Variants in GRID2 observed in about 807,000 individuals in gnomAD.
The protein encoded by GRID2 is glutamate receptor ionotropic, delta-2.
In GRID2, 33 loss-of-function variants were observed where a neutral mutation model predicts 114.8. That is an observed-to-expected ratio of 0.29 (90% CI 0.22 to 0.38). The LOEUF (loss-of-function observed/expected upper bound fraction) is 0.38. Ranked by LOEUF, GRID2 falls within the 10% of genes least tolerant of loss-of-function variation. GRID2 has a pLI of 1.00. For synonymous variants in GRID2, 505 were observed against 449.9 expected, an observed-to-expected ratio of 1.12 and a Z score of -1.55; for missense variants, 1,184 against 1,257.7, an observed-to-expected ratio of 0.94 and a Z score of 0.89.
At chr4:92,357,277 C>A (rs1728373813) in intron 1 of GRID2, among the ~76,000 whole-genome samples, 1 of 151,790 alleles carries the variant, frequency 6.6e-6, no homozygotes, top group South Asian at 2.1e-4. Flanking sequence ...TTAGGAAAAA[C>A]TAGAACATTA....
At chr4:93,075,901 T>C (rs1729236146) in intron 2 of GRID2, among the ~76,000 whole-genome samples, 1 of 44,152 alleles carries the variant, frequency 2.3e-5, no homozygotes, top group South Asian at 9.2e-4. Context: ...TTTTTTTTTT[T>C]TTTTTTTTTT....
intron 13 of GRID2, among the ~76,000 whole-genome samples, chr4:93,524,837 ATATATATATAT>A (rs1333225901): frequency 8.6e-6 from 1 of 115,952 alleles, no homozygotes; most frequent in Non-Finnish European, 1.7e-5. Flanking sequence ...ATATATATAT[ATATATATATAT>A]ATGTATACAA....
chr4:93,778,317 T>G (rs1312674927), downstream of GRID2, among the ~76,000 whole-genome samples: 1 of 152,062 alleles, frequency 6.6e-6, no homozygotes, highest in African/African-American at 2.4e-5. Context: ...TCTATAAGAT[T>G]TATTGCTAGA....
At chr4:93,723,479 T>C (rs1002131603) in intron 14 of GRID2, among the ~76,000 whole-genome samples, 1 of 152,196 alleles carries the variant, frequency 6.6e-6, no homozygotes, top group Admixed American at 6.5e-5. Flanking sequence ...AGAATTGATG[T>C]TAGCTACACA....
intron 2 of GRID2, among the ~76,000 whole-genome samples, chr4:93,080,319 G>C (rs922236496): frequency 6.6e-6 from 1 of 152,156 alleles, no homozygotes; most frequent in African/African-American, 2.4e-5. Context: ...GAATACACAA[G>C]TAGTGAAGTT....
chr4:92,617,459 T>A (rs1052957352), intron 2 of GRID2, among the ~76,000 whole-genome samples: 4 of 151,688 alleles, frequency 2.6e-5, no homozygotes, highest in African/African-American at 9.7e-5. Context: ...CATATATGAG[T>A]GAGAACATGC....
intron 2 of GRID2, among the ~76,000 whole-genome samples, chr4:92,785,492 T>C (rs1739279498): frequency 6.6e-6 from 1 of 151,710 alleles, no homozygotes; most frequent in Non-Finnish European, 1.5e-5. Flanking sequence ...AAATTAACTT[T>C]TTTAAGTTCT....
At chr4:93,460,137 C>T (rs1325009637) in intron 11 of GRID2, among the ~76,000 whole-genome samples, 1 of 152,160 alleles carries the variant, frequency 6.6e-6, no homozygotes, top group Non-Finnish European at 1.5e-5. Flanking sequence ...TTATCCATGC[C>T]ATGGAAAGAT....
At chr4:93,657,431 A>C (rs888273566) in intron 14 of GRID2, among the ~76,000 whole-genome samples, 1 of 152,196 alleles carries the variant, frequency 6.6e-6, no homozygotes, top group African/African-American at 2.4e-5. Flanking sequence ...AGGAGCTCCC[A>C]CCAAATCCTA....
chr4:92,689,736 T>G (rs1734085809), intron 2 of GRID2, among the ~76,000 whole-genome samples: 1 of 152,208 alleles, frequency 6.6e-6, no homozygotes, highest in Non-Finnish European at 1.5e-5. Flanking sequence ...TGGGGGTGGT[T>G]GTTCTATACA....
chr4:93,035,843 G>A (rs935251851), intron 2 of GRID2, among the ~76,000 whole-genome samples: 3 of 152,160 alleles, frequency 2.0e-5, no homozygotes, highest in African/African-American at 2.4e-5. Flanking sequence ...AATCTCAGGA[G>A]TGACATTCCA....
chr4:93,790,490 A>G (rs1341121991), intron 1 of GRID2, among the ~76,000 whole-genome samples: 1 of 152,076 alleles, frequency 6.6e-6, no homozygotes, highest in Non-Finnish European at 1.5e-5. Flanking sequence ...AAGGAAGGGA[A>G]AAGGTATACC....
chr4:93,195,524 G>A (rs780954442), intron 4 of GRID2, among the ~76,000 whole-genome samples: 3 of 152,140 alleles, frequency 2.0e-5, no homozygotes, highest in African/African-American at 4.8e-5. Flanking sequence ...TTATATTTGT[G>A]TATGGCCAAA....
chr4:93,728,932 C>CT (rs1730212099), intron 14 of GRID2, among the ~76,000 whole-genome samples: 1 of 152,142 alleles, frequency 6.6e-6, no homozygotes, highest in South Asian at 2.1e-4. Context: ...GGTATTGACT[C>CT]TTTTTCCAGT....
At chr4:93,107,271 C>T (rs533483496) in intron 3 of GRID2, among the ~76,000 whole-genome samples, 1 of 152,180 alleles carries the variant, frequency 6.6e-6, no homozygotes, top group East Asian at 1.9e-4. Flanking sequence ...TACACTCCAA[C>T]CTGGGTAATA....
chr4:92,469,222 C>A (rs1334668621), intron 1 of GRID2, among the ~76,000 whole-genome samples: 1 of 152,030 alleles, frequency 6.6e-6, no homozygotes. Flanking sequence ...GTGTCAAGTG[C>A]TTTTATATTC....
At chr4:92,888,979 A>G (rs971891194) in intron 2 of GRID2, among the ~76,000 whole-genome samples, 2 of 151,972 alleles carry the variant, frequency 1.3e-5, no homozygotes, top group African/African-American at 2.4e-5. Context: ...TCTTTCCTTT[A>G]TCTTCTCTTA....
chr4:92,621,523 A>G (rs111589639), intron 2 of GRID2, among the ~76,000 whole-genome samples: 33 of 151,844 alleles, frequency 2.2e-4, no homozygotes, highest in African/African-American at 6.7e-4. Context: ...CCATAGATGA[A>G]TAGTTGGTGC....
At chr4:93,134,180 T>G (rs149062870) in intron 4 of GRID2, among the ~76,000 whole-genome samples, 1 of 152,244 alleles carries the variant, frequency 6.6e-6, no homozygotes, top group East Asian at 1.9e-4. Context: ...TGTTCTGATT[T>G]AGGTTCTCCA....
Sources: allele counts gnomAD v4.1 joint callset (sites outside exome capture counted in the v4.1 genomes callset), GRCh38; gene constraint gnomAD v4.1.1; transcripts MANE v1.5; gene names NCBI Gene and HGNC (gene_info 2026-07-23, HGNC 2026-07-21).